The following HS3ST3B1 variants were observed in gnomAD, a reference collection of about 807,000 sequenced individuals.
HS3ST3B1 encodes heparan sulfate-glucosamine 3-sulfotransferase 3B1, also known as heparan sulfate glucosamine 3-O-sulfotransferase 3B1.
HS3ST3B1 carries 13 observed loss-of-function variants against 21.3 expected under a neutral mutation model. That is an observed-to-expected ratio of 0.61 (90% CI 0.40 to 0.97). The LOEUF is 0.97. HS3ST3B1 is among the 50% of genes least tolerant of loss of function. The pLI, the probability that HS3ST3B1 is intolerant of heterozygous loss-of-function variation, is 0.00. For missense variants in HS3ST3B1, 459 were observed against 554.8 expected (o/e 0.83, Z 1.73); for synonymous variants, 234 against 254.8 (o/e 0.92, Z 0.78).
At chr17:14,332,937 G>A (rs1910065422) in intron 1 of HS3ST3B1, among the ~76,000 whole-genome samples, 1 of 150,428 alleles carries the variant, frequency 6.6e-6, no homozygotes, top group African/African-American at 2.5e-5. Flanking sequence ...AGTGCTTGGC[G>A]GTGGTTGCTA....
At chr17:14,324,623 T>C (rs1168346384) in intron 1 of HS3ST3B1, among the ~76,000 whole-genome samples, 1 of 152,176 alleles carries the variant, frequency 6.6e-6, no homozygotes, top group African/African-American at 2.4e-5. Flanking sequence ...TTTTTAAAAA[T>C]ATATTTTAGA....
chr17:14,302,209 T>G (rs1908959647), intron 1 of HS3ST3B1, 137 bp downstream of exon 1: 9 of 1,062,656 alleles, frequency 8.5e-6, no homozygotes, highest in Non-Finnish European at 1.2e-5. Flanking sequence ...TACGGCAGAT[T>G]GCGCAGCGCA....
intron 1 of HS3ST3B1, chr17:14,304,614 C>T (rs1909068823): frequency 6.6e-6 from 1 of 152,228 alleles, no homozygotes; most frequent in South Asian, 2.1e-4. Context: ...ACCCTTCGCC[C>T]TCGTTGGAGT....
At chr17:14,340,756 T>G (rs1201969760) in intron 1 of HS3ST3B1, among the ~76,000 whole-genome samples, 1 of 152,112 alleles carries the variant, frequency 6.6e-6, no homozygotes, top group African/African-American at 2.4e-5. Context: ...CTAATTTTTG[T>G]ATTTTTAGGA....
chr17:14,312,736 A>C (rs1282120777), intron 1 of HS3ST3B1, among the ~76,000 whole-genome samples: 1 of 151,570 alleles, frequency 6.6e-6, no homozygotes, highest in Non-Finnish European at 1.5e-5. Context: ...TGCCCCCCAC[A>C]ACTACACCAC....
At chr17:14,308,905 A>G (rs184274924) in intron 1 of HS3ST3B1, among the ~76,000 whole-genome samples, 11 of 152,190 alleles carry the variant, frequency 7.2e-5, no homozygotes, top group Non-Finnish European at 1.2e-4. Flanking sequence ...AAACCCATAA[A>G]ATGCTGAAAG....
At chr17:14,332,766 G>A (rs2142345998) in intron 1 of HS3ST3B1, among the ~76,000 whole-genome samples, 1 of 151,100 alleles carries the variant, frequency 6.6e-6, no homozygotes, top group South Asian at 2.1e-4. Flanking sequence ...TCAGCACGGT[G>A]AGGGTACAGA....
At chr17:14,344,935 A>G (rs1010838803) in intron 1 of HS3ST3B1, 93 bp from the exon 2 acceptor site, 1 of 1,487,622 alleles carries the variant, frequency 6.7e-7, no homozygotes, top group African/African-American at 1.4e-5. Context: ...TTCCAGAAAT[A>G]AGAGGGAGCT....
At chr17:14,327,922 T>G (rs1006767544) in intron 1 of HS3ST3B1, 2 of 152,172 alleles carry the variant, frequency 1.3e-5, no homozygotes, top group African/African-American at 4.8e-5. Context: ...AAATGGTCAT[T>G]AGGCTTAAAA....
At chr17:14,315,774 T>C (rs1261877422) in intron 1 of HS3ST3B1, among the ~76,000 whole-genome samples, 3 of 151,136 alleles carry the variant, frequency 2.0e-5, no homozygotes, top group Non-Finnish European at 4.4e-5. Flanking sequence ...TGAGCTGAGA[T>C]TGCACCATTG....
intron 1 of HS3ST3B1, among the ~76,000 whole-genome samples, chr17:14,343,641 T>A (rs949231770): frequency 6.6e-6 from 1 of 152,228 alleles, no homozygotes; most frequent in Non-Finnish European, 1.5e-5. Flanking sequence ...TCCAGTTGCA[T>A]TCATGTTATT....
intron 1 of HS3ST3B1, among the ~76,000 whole-genome samples, chr17:14,339,317 A>G (rs1159228507): frequency 6.6e-6 from 1 of 152,200 alleles, no homozygotes; most frequent in Non-Finnish European, 1.5e-5. Context: ...GCCTATTTGA[A>G]CAATTATGAT....
rs796290544 is a variant in HS3ST3B1, at chr17:14,312,085, T to C, written c.554+10013T>C. ...AAGGAAGTAAGAAGGGGCCAGAAAGTCAGCAACTGTGTGATTAAAAAAAAA... is the reference window on the plus strand; with the variant it reads ...AAGGAAGTAAGAAGGGGCCAGAAAGCCAGCAACTGTGTGATTAAAAAAAAA... On this transcript the variant is annotated intron_variant, in intron 1 of 1. Coordinates refer to ENST00000360954, the MANE Select transcript of HS3ST3B1 (RefSeq NM_006041.3). Among the ~76,000 whole-genome samples, 33 of 137,312 alleles carry C rather than the reference T, an allele frequency of 2.4e-4. 1 individual carries two copies. Among genetic ancestry groups the C allele is most frequent in the African/African-American group, 8.6e-4 (31 of 36,218 alleles). 90.1% of individuals were successfully genotyped at this position (137,312 alleles called of 152,430 possible).
At chr17:14,315,261 C>T (rs1205416269) in intron 1 of HS3ST3B1, among the ~76,000 whole-genome samples, 2 of 152,152 alleles carry the variant, frequency 1.3e-5, no homozygotes, top group Non-Finnish European at 2.9e-5. Context: ...ACCACGTTTT[C>T]CCCCAATGCA....
At chr17:14,314,655 A>G (rs4791573) in intron 1 of HS3ST3B1, among the ~76,000 whole-genome samples, 115,834 of 152,100 alleles carry the variant, frequency 0.76, 44,276 homozygotes, top group Middle Eastern at 0.84. Flanking sequence ...ATAAAGGATC[A>G]GACAGTACCA....
chr17:14,318,600 G>A (rs1463080238), intron 1 of HS3ST3B1, among the ~76,000 whole-genome samples: 1 of 152,174 alleles, frequency 6.6e-6, no homozygotes, highest in Non-Finnish European at 1.5e-5. Flanking sequence ...GAATTGGGTT[G>A]CCCTGATCAG....
chr17:14,335,888 A>G (rs1910172599), intron 1 of HS3ST3B1, among the ~76,000 whole-genome samples: 1 of 152,198 alleles, frequency 6.6e-6, no homozygotes, highest in Admixed American at 6.5e-5. Flanking sequence ...CTCTATCTTG[A>G]TGATAGTGGT....
intron 1 of HS3ST3B1, among the ~76,000 whole-genome samples, chr17:14,330,248 C>T (rs1410664584): frequency 6.6e-6 from 1 of 152,258 alleles, no homozygotes; most frequent in Admixed American, 6.5e-5. Context: ...AGAGGTTCTA[C>T]TTAATGTCTG....
intron 1 of HS3ST3B1, among the ~76,000 whole-genome samples, chr17:14,316,975 G>C (rs1168942663): frequency 6.6e-6 from 1 of 152,208 alleles, no homozygotes; most frequent in Non-Finnish European, 1.5e-5. Flanking sequence ...TAGGTTCTTC[G>C]TACTTGGGGA....
Sources: allele counts gnomAD v4.1 joint callset (sites outside exome capture counted in the v4.1 genomes callset), GRCh38; gene constraint gnomAD v4.1.1; transcripts MANE v1.5; gene names NCBI Gene and HGNC (gene_info 2026-07-23, HGNC 2026-07-21).